WDPCP: variants seen among roughly 807,000 people sequenced by gnomAD.
WDPCP encodes the protein WD repeat containing planar cell polarity effector, also known as WD repeat-containing and planar cell polarity effector protein fritz homolog.
WDPCP carries 71 observed loss-of-function variants against 93.1 expected under a neutral mutation model. That is an observed-to-expected ratio of 0.76 (90% CI 0.63 to 0.93). WDPCP has a LOEUF of 0.93. WDPCP is among the 40% of genes least tolerant of loss of function. The probability of loss-of-function intolerance (pLI) is 0.00; values close to 1 mark genes in which losing one functional copy is unlikely to be tolerated. For missense variants in WDPCP, 844 were observed against 887.4 expected (o/e 0.95, Z 0.62); for synonymous variants, 315 against 315.0 (o/e 1.00, Z 0.00).
chr2:63,663,230 C>T lies in WDPCP; in HGVS notation n.309-12392G>A, dbSNP rs143984932. 3.4e-4 allele frequency among the ~76,000 whole-genome samples: 52 copies of T among 152,262 alleles called. No homozygotes were observed. In the East Asian group the frequency reaches 9.1e-3, roughly 27 times the overall value. ...AGCTTCCCTGTACCCTGCCCCTTGC[C>T]CTCTGCTACTGTTGGCAGCTACAAT... is the stretch of plus-strand genomic sequence containing the variant. On this transcript the variant is annotated intron_variant and non_coding_transcript_variant, in intron 2 of 4. Transcript: ENST00000467687.
At position 63,565,477 on chromosome 2, in the gene WDPCP, T is replaced by C. The variant is rs79581964; in HGVS notation, c.75+22720A>G. ...TTTAAACTCTATAGGATATGAATTA[T>C]AGTATAATAAAACATCAAGGAGTCA... On this transcript the variant is annotated intron_variant, in intron 1 of 17. Coordinates refer to ENST00000272321, the MANE Select transcript of WDPCP (RefSeq NM_015910.7). 6.7e-4 allele frequency among the ~76,000 whole-genome samples: 102 copies of C among 152,314 alleles called. No individual in the cohort carries two copies. In the East Asian group the frequency reaches 0.017, roughly 25 times the overall value.
At chr2:63,650,328 A>T (rs755689731) in intron 3 of WDPCP, among the ~76,000 whole-genome samples, 3 of 152,180 alleles carry the variant, frequency 2.0e-5, no homozygotes, top group Non-Finnish European at 4.4e-5. Flanking sequence ...TTCCCCAATG[A>T]TGCTTATGCT....
chr2:63,229,552 C>A (rs1409348657), intron 14 of WDPCP: 2 of 151,806 alleles, frequency 1.3e-5, no homozygotes, highest in Non-Finnish European at 2.9e-5. Flanking sequence ...TCTTCTAGGG[C>A]TTTTATGGTT....
intron 3 of WDPCP, chr2:63,622,738 T>G (rs1709759724): frequency 6.2e-7 from 1 of 1,613,414 alleles, no homozygotes; most frequent in Non-Finnish European, 8.5e-7. Flanking sequence ...AAGACATGTT[T>G]GCTATAGGGA....
At chr2:63,516,213 T>C (rs77059397) in intron 1 of WDPCP, among the ~76,000 whole-genome samples, 1 of 152,126 alleles carries the variant, frequency 6.6e-6, no homozygotes, top group Non-Finnish European at 1.5e-5. Flanking sequence ...TATTTTGGGG[T>C]ACATGTGATA....
intron 2 of WDPCP, among the ~76,000 whole-genome samples, chr2:63,707,315 T>G (rs1020227485): frequency 1.3e-5 from 2 of 152,316 alleles, no homozygotes; most frequent in Admixed American, 6.5e-5. Flanking sequence ...TCTTGGAGGC[T>G]TTGTTCATTT....
At chr2:63,744,197 A>G (rs1669762174) in intron 2 of WDPCP, among the ~76,000 whole-genome samples, 1 of 152,136 alleles carries the variant, frequency 6.6e-6, no homozygotes. Flanking sequence ...CTCGAGCAGA[A>G]TATTCATACT....
chr2:63,448,956 TTAATAA>T (rs1005965663), intron 6 of WDPCP, among the ~76,000 whole-genome samples: 3 of 152,136 alleles, frequency 2.0e-5, no homozygotes, highest in African/African-American at 4.8e-5. Context: ...GTGGCTAAAG[TTAATAA>T]TAATGTGTTG....
intron 3 of WDPCP, among the ~76,000 whole-genome samples, chr2:63,626,691 G>C (rs1484217767): frequency 6.6e-6 from 1 of 152,164 alleles, no homozygotes; most frequent in Non-Finnish European, 1.5e-5. Context: ...TGATGGAGAG[G>C]ATGTGGAGAA....
chr2:63,321,307 G>A (rs1295820506), intron 12 of WDPCP, among the ~76,000 whole-genome samples: 1 of 132,064 alleles, frequency 7.6e-6, no homozygotes, highest in Non-Finnish European at 1.6e-5. Context: ...GTACTGAAGT[G>A]TGTCTCTATT....
intron 15 of WDPCP, among the ~76,000 whole-genome samples, chr2:63,154,431 A>G (rs1201810989): frequency 1.3e-5 from 2 of 152,168 alleles, no homozygotes; most frequent in Non-Finnish European, 1.5e-5. Flanking sequence ...GACTTCTGTC[A>G]TTCAGTATAA....
intron 6 of WDPCP, among the ~76,000 whole-genome samples, chr2:63,482,952 A>C (rs372786009): frequency 6.6e-6 from 1 of 151,986 alleles, no homozygotes; most frequent in East Asian, 1.9e-4. Flanking sequence ...TTATATATAT[A>C]TTTTATCATG....
At chr2:63,142,689 G>T (rs1671162621) in intron 17 of WDPCP, among the ~76,000 whole-genome samples, 1 of 152,066 alleles carries the variant, frequency 6.6e-6, no homozygotes, top group Non-Finnish European at 1.5e-5. Context: ...TTGAGTTTCT[G>T]TCTTGATGTC....
intron 13 of WDPCP, among the ~76,000 whole-genome samples, chr2:63,303,257 T>C (rs1250424926): frequency 6.6e-6 from 1 of 152,144 alleles, no homozygotes; most frequent in African/African-American, 2.4e-5. Context: ...GCCCTCCTTC[T>C]TGACTAAGCC....
upstream of WDPCP, among the ~76,000 whole-genome samples, chr2:63,589,558 C>G (rs977847152): frequency 6.6e-6 from 1 of 152,200 alleles, no homozygotes; most frequent in Non-Finnish European, 1.5e-5. Flanking sequence ...TCCGCCATAT[C>G]TAATTTCTCA....
intron 3 of WDPCP, among the ~76,000 whole-genome samples, chr2:63,632,134 C>T (rs196125): frequency 0.79 from 120,263 of 152,152 alleles, 47,998 homozygotes; most frequent in East Asian, 0.98. Context: ...GAAACCATCA[C>T]CCCATTCTTC....
chr2:63,159,928 TG>T (rs1672533015), intron 15 of WDPCP, among the ~76,000 whole-genome samples: 1 of 152,236 alleles, frequency 6.6e-6, no homozygotes, highest in South Asian at 2.1e-4. Context: ...CAATCTCCTT[TG>T]GTGCTTTCTG....
chr2:63,809,155 C>A (rs573695514), intron 2 of WDPCP, among the ~76,000 whole-genome samples: 1 of 151,534 alleles, frequency 6.6e-6, no homozygotes, highest in East Asian at 2.0e-4. Flanking sequence ...GCAGCCACCC[C>A]GTCTGGGAAG....
Position 63,634,572 on chromosome 2 carries a change from C to A in WDPCP, n.488+16087G>T, listed in dbSNP as rs942479134. 3.9e-5 allele frequency among the ~76,000 whole-genome samples: 6 copies of A among 152,162 alleles called. No individual in the cohort carries two copies. In the East Asian group the frequency reaches 7.7e-4, roughly 20 times the overall value. ...ATCCAATGGCAGCAGAATATACATT[C>A]ATCTCAAGCACACATGGAACATTCT... On this transcript the variant is annotated intron_variant and non_coding_transcript_variant, in intron 3 of 4. Transcript: ENST00000467687.
Sources: gnomAD v4.1 joint callset for allele counts (sites outside exome capture counted in the v4.1 genomes callset) on GRCh38, gnomAD v4.1.1 for gene constraint, MANE v1.5 for transcripts, NCBI Gene and HGNC (gene_info 2026-07-23, HGNC 2026-07-21) for gene names.